ZNF610: variants seen among roughly 807,000 people sequenced by gnomAD.
The protein encoded by ZNF610 is zink finger protein.
In ZNF610, 14 loss-of-function variants were observed where a neutral mutation model predicts 14.1. The observed-to-expected ratio is 0.99, with a 90% CI of 0.65 to 1.55. The LOEUF (loss-of-function observed/expected upper bound fraction) is 1.55, where lower values mean the gene tolerates loss of function less well. Among genes scored for constraint, ZNF610 ranks in the 40% most tolerant of loss-of-function variants. The pLI is 0.00. For synonymous variants in ZNF610, 185 were observed against 187.6 expected (o/e 0.99, Z 0.11); for missense variants, 530 against 558.0 (o/e 0.95, Z 0.51).
chr19:52,350,370 C>T (rs1985190544), intron 3 of ZNF610, among the ~76,000 whole-genome samples: 1 of 152,154 alleles, frequency 6.6e-6, no homozygotes, highest in African/African-American at 2.4e-5. Flanking sequence ...AGAGCATGTC[C>T]TGTAGAAATA....
At chr19:52,365,074 C>T (rs551532833) in intron 5 of ZNF610, among the ~76,000 whole-genome samples, 9 of 152,072 alleles carry the variant, frequency 5.9e-5, no homozygotes, top group East Asian at 1.9e-4. Context: ...GGTGAAACCC[C>T]GTCTCTACTA....
intron 5 of ZNF610, among the ~76,000 whole-genome samples, chr19:52,361,921 C>CTTTA (rs895122256): frequency 6.6e-5 from 10 of 151,996 alleles, no homozygotes; most frequent in Admixed American, 6.6e-4. Context: ...TTACATGTAA[C>CTTTA]TTTATTTATT....
At chr19:52,353,613 T>C in intron 3 of ZNF610, 69 bp from the exon 4 acceptor site, 4 of 1,559,010 alleles carry the variant, frequency 2.6e-6, no homozygotes, top group South Asian at 1.2e-5. Flanking sequence ...TATTCAAAAA[T>C]GTTTATCAAC....
intron 1 of ZNF610, among the ~76,000 whole-genome samples, chr19:52,337,898 G>C (rs541729923): frequency 6.6e-6 from 1 of 152,240 alleles, no homozygotes; most frequent in African/African-American, 2.4e-5. Context: ...TGCCTCATTC[G>C]GGTGTGGGTG....
In ZNF610 at chr19:52,355,722, C is replaced by T. The variant is rs148588484; in HGVS notation, c.319+1343C>T. Reference sequence around the variant, plus strand: ...CCCTTCTTGGGTTGATTACTTTGCTCGGGTGGCTCACAGAACTCAGTGAGA... The same window carrying T: ...CCCTTCTTGGGTTGATTACTTTGCTTGGGTGGCTCACAGAACTCAGTGAGA... On this transcript the variant is annotated intron_variant, in intron 5 of 5. Coordinates refer to ENST00000403906, the MANE Select transcript of ZNF610 (RefSeq NM_001161425.2). Among the ~76,000 whole-genome samples the T allele has an allele frequency of 2.1e-4, 32 of 152,296 alleles. No homozygotes were observed. In the East Asian group the frequency reaches 4.8e-3, roughly 23 times the overall value.
In ZNF610 at chr19:52,353,822, C is replaced by T; in HGVS notation, c.190+14C>T. The T allele has an allele frequency of 6.2e-7, 1 of 1,606,042 alleles. No homozygotes were observed. Among genetic ancestry groups the T allele is most frequent in the South Asian group, 1.1e-5 (1 of 89,414 alleles). On this transcript the variant is annotated intron_variant, in intron 4 of 5. Coordinates refer to ENST00000403906, the MANE Select transcript of ZNF610 (RefSeq NM_001161425.2). ...TGGTCTTTCTGGGTGAGGATGACTT[C>T]CCTCCAGAAGCCGGGATCTGCTCTA...
At chr19:52,333,492 G>A (rs779337463), upstream of ZNF610, among the ~76,000 whole-genome samples, 3 of 152,188 alleles carry the variant, frequency 2.0e-5, no homozygotes, top group Non-Finnish European at 4.4e-5. Flanking sequence ...CATGTGTTAC[G>A]TCCCAGGCTA....
chr19:52,354,068 T>C (rs953596826), intron 4 of ZNF610, among the ~76,000 whole-genome samples, 183 bp from the exon 5 acceptor site: 1 of 152,206 alleles, frequency 6.6e-6, no homozygotes, highest in African/African-American at 2.4e-5. Context: ...TCAGTAGTTC[T>C]TGGAAGAGAT....
intron 3 of ZNF610, 21 bp downstream of exon 3, chr19:52,349,256 G>A (rs1222830711): frequency 6.2e-7 from 1 of 1,608,060 alleles, no homozygotes; most frequent in South Asian, 1.1e-5. Flanking sequence ...ATTCTCGGTG[G>A]TTGGTTCTCT....
intron 3 of ZNF610, 35 bp from the exon 4 acceptor site, chr19:52,353,647 T>G (rs750328520): frequency 1.2e-6 from 2 of 1,608,288 alleles, no homozygotes; most frequent in Non-Finnish European, 1.7e-6. Flanking sequence ...ATTTCTACAT[T>G]TTTAGTGTTG....
chr19:52,345,972 G>A (rs60263330), intron 1 of ZNF610, among the ~76,000 whole-genome samples: 2 of 150,304 alleles, frequency 1.3e-5, no homozygotes, highest in Non-Finnish European at 2.9e-5. Context: ...CCAAAGTGCT[G>A]GGATTACAGG....
In ZNF610 at chr19:52,367,669, G is replaced by A. The variant is rs1986177026; in HGVS notation, c.*902G>A. ...ACTTAGTACTTGAGTTAGTTTCTCT[G>A]TACTCTGGTGTAGGATGTTTATGTG... On this transcript the variant is annotated 3_prime_UTR_variant, in exon 6 of 6. Transcript: ENST00000403906. 6.6e-6 allele frequency: 1 copy of A among 150,834 alleles called. No homozygotes were observed. The highest frequency in any genetic ancestry group is 6.7e-5 in the Admixed American group (1 of 15,014). The allele number at this position is 150,834 out of a possible 1,614,324, so 9.3% of individuals were successfully genotyped here. A position where few individuals can be genotyped will look rare whatever the true frequency, so the allele number is the denominator to read the frequency against.
Position 52,336,384 on chromosome 19 carries a change from C to T in ZNF610, c.-380C>T, listed in dbSNP as rs1032203576. 1.4e-5 allele frequency: 3 copies of T among 211,376 alleles called. No individual in the cohort carries two copies. The highest frequency in any genetic ancestry group is 6.1e-5 in the South Asian group (1 of 16,522). 13.1% of individuals were successfully genotyped at this position (211,376 alleles called of 1,614,324 possible). A position where few individuals can be genotyped will look rare whatever the true frequency, so the allele number is the denominator to read the frequency against. On this transcript the variant is annotated 5_prime_UTR_variant, in exon 1 of 6. Coordinates refer to ENST00000403906, the MANE Select transcript of ZNF610 (RefSeq NM_001161425.2). ...AGAGTCAACACAGACCTTGAAATCC[C>T]CGCACCGCTCCCTCCACCCCGTGTA...
At chr19:52,338,074 T>G (rs912719282) in intron 1 of ZNF610, among the ~76,000 whole-genome samples, 11 of 152,200 alleles carry the variant, frequency 7.2e-5, no homozygotes, top group African/African-American at 1.2e-4. Context: ...GTTGTGTAAT[T>G]TAACTCAATT....
rs1568642969 is a variant in ZNF610 at position 52,336,249 on chromosome 19, C to A, written c.-515C>A. 3.7e-6 allele frequency: 1 copy of A among 267,446 alleles called. No individual in the cohort carries two copies. The highest frequency in any genetic ancestry group is 3.5e-5 in the South Asian group (1 of 28,254). The allele number at this position is 267,446 out of a possible 1,614,324, so 16.6% of individuals were successfully genotyped here. A position where few individuals can be genotyped will look rare whatever the true frequency, so the allele number is the denominator to read the frequency against. On this transcript the variant is annotated 5_prime_UTR_variant, in exon 1 of 6. Coordinates refer to ENST00000403906, the MANE Select transcript of ZNF610 (RefSeq NM_001161425.2). Reference sequence around the variant, plus strand: ...TGCGCGCGCGCAGTTTTTTGCAGACCCGGAAGCGGATCGCGTGGGTAGAAG... The same window carrying A: ...TGCGCGCGCGCAGTTTTTTGCAGACACGGAAGCGGATCGCGTGGGTAGAAG...
Position 52,363,182 on chromosome 19 carries a change from G to A in ZNF610, c.320-2516G>A, listed in dbSNP as rs184553525. Among the ~76,000 whole-genome samples the A allele has an allele frequency of 1.6e-3, 241 of 151,416 alleles. 1 individual carries two copies. Among genetic ancestry groups the A allele is most frequent in the African/African-American group, 5.5e-3 (227 of 41,232 alleles). The stretch of plus-strand genomic sequence containing the variant: ...ACCCTGTTGCCTACCCAGGCTGGAG[G>A]GCAATGGTGTGATCTCAGCTCACTG... On this transcript the variant is annotated intron_variant, in intron 5 of 5. Coordinates refer to ENST00000403906, the MANE Select transcript of ZNF610 (RefSeq NM_001161425.2).
intron 3 of ZNF610, among the ~76,000 whole-genome samples, chr19:52,350,429 G>A (rs1159231672): frequency 1.3e-5 from 2 of 152,200 alleles, no homozygotes; most frequent in African/African-American, 4.8e-5. Context: ...TGTAATCCCA[G>A]CACTTTGGGA....
upstream of ZNF610, among the ~76,000 whole-genome samples, chr19:52,335,069 G>T (rs201415480): frequency 3.4e-4 from 3 of 8,700 alleles, no homozygotes; most frequent in South Asian, 3.6e-3. Context: ...CCGGGGCGTG[G>T]GGGGGGGGTG....
intron 1 of ZNF610, among the ~76,000 whole-genome samples, chr19:52,339,443 T>G (rs1014605939): frequency 5.5e-5 from 8 of 146,302 alleles, no homozygotes; most frequent in Non-Finnish European, 1.2e-4. Flanking sequence ...CCTTCCACAG[T>G]GTATTGTGTC....
Sources: gnomAD v4.1 joint callset for allele counts (sites outside exome capture counted in the v4.1 genomes callset) on GRCh38, gnomAD v4.1.1 for gene constraint, MANE v1.5 for transcripts, NCBI Gene and HGNC (gene_info 2026-07-23, HGNC 2026-07-21) for gene names.